Variants in RIMS2 observed in about 807,000 individuals in gnomAD.
RIMS2 encodes regulating synaptic membrane exocytosis protein 2.
A neutral mutation model predicts 174.4 loss-of-function variants in RIMS2; 59 were observed. The observed-to-expected ratio is 0.34, with a 90% CI of 0.27 to 0.42. RIMS2 has a LOEUF of 0.42. RIMS2 is among the 10% of genes least tolerant of loss of function. The pLI, the probability that RIMS2 is intolerant of heterozygous loss-of-function variation, is 1.00. For synonymous variants in RIMS2, 606 were observed against 572.5 expected (o/e 1.06, Z -0.84); for missense variants, 1,620 against 1,666.3 (o/e 0.97, Z 0.48).
At chr8:103,516,060 A>G (rs1828822024) in intron 1 of RIMS2, among the ~76,000 whole-genome samples, 1 of 151,980 alleles carries the variant, frequency 6.6e-6, no homozygotes, top group African/African-American at 2.4e-5. Context: ...TTTTTGGTTC[A>G]TCGATTTCAA....
At chr8:104,245,453 G>C (rs2099326170) in intron 20 of RIMS2, among the ~76,000 whole-genome samples, 1 of 152,182 alleles carries the variant, frequency 6.6e-6, no homozygotes, top group South Asian at 2.1e-4. Context: ...AATATGGAAT[G>C]CTGGCGTATA....
chr8:103,762,751 C>T (rs2098125746), intron 2 of RIMS2, among the ~76,000 whole-genome samples: 1 of 152,230 alleles, frequency 6.6e-6, no homozygotes, highest in East Asian at 1.9e-4. Flanking sequence ...GTCATGCTAA[C>T]ATCATGGAGT....
At chr8:103,752,724 G>T (rs529104909) in intron 2 of RIMS2, among the ~76,000 whole-genome samples, 1 of 152,050 alleles carries the variant, frequency 6.6e-6, no homozygotes, top group East Asian at 1.9e-4. Flanking sequence ...TCATGATTTG[G>T]CTCTCTGTTT....
intron 19 of RIMS2, among the ~76,000 whole-genome samples, chr8:104,050,621 G>T (rs1227955709): frequency 6.6e-6 from 1 of 152,148 alleles, no homozygotes; most frequent in Non-Finnish European, 1.5e-5. Context: ...ATGCTATAAA[G>T]TATTTTTGCA....
chr8:103,782,436 G>A (rs1377592470), intron 3 of RIMS2, among the ~76,000 whole-genome samples: 2 of 109,698 alleles, frequency 1.8e-5, no homozygotes, highest in Admixed American at 8.6e-5. Flanking sequence ...TAAATCCCGT[G>A]TGTGTGTGTG....
chr8:103,569,136 T>G (rs1485170003), intron 1 of RIMS2, among the ~76,000 whole-genome samples: 9 of 152,226 alleles, frequency 5.9e-5, no homozygotes, highest in Non-Finnish European at 1.3e-4. Flanking sequence ...AAAATTACTT[T>G]TATGTTTTCT....
chr8:103,910,191 C>T (rs752684485), exon 5 of RIMS2: 1 of 1,608,710 alleles, frequency 6.2e-7, no homozygotes, highest in East Asian at 2.2e-5. Flanking sequence ...GAGGCATCCC[C>T]AATGTCTTTG....
At chr8:104,162,090 G>GA (rs1376370370) in intron 19 of RIMS2, among the ~76,000 whole-genome samples, 1 of 152,142 alleles carries the variant, frequency 6.6e-6, no homozygotes, top group Non-Finnish European at 1.5e-5. Context: ...AATTACATTT[G>GA]AAAAGGTCCT....
chr8:104,193,258 G>A (rs1373750667), intron 19 of RIMS2, among the ~76,000 whole-genome samples: 1 of 152,026 alleles, frequency 6.6e-6, no homozygotes, highest in Non-Finnish European at 1.5e-5. Flanking sequence ...TTCTGATTGA[G>A]TACTGTGGTT....
chr8:104,070,620 C>G (rs1391665173), intron 19 of RIMS2, among the ~76,000 whole-genome samples: 1 of 152,130 alleles, frequency 6.6e-6, no homozygotes, highest in African/African-American at 2.4e-5. Flanking sequence ...AGTCTCTCAT[C>G]TGTTCACCTT....
At chr8:103,558,727 A>C (rs2091006920) in intron 1 of RIMS2, among the ~76,000 whole-genome samples, 1 of 152,166 alleles carries the variant, frequency 6.6e-6, no homozygotes, top group African/African-American at 2.4e-5. Flanking sequence ...GTAAAGTCAG[A>C]AGTAGGACAG....
At chr8:104,255,589 A>C (rs1184584913), downstream of RIMS2, 2 of 152,248 alleles carry the variant, frequency 1.3e-5, no homozygotes, top group African/African-American at 4.8e-5. Flanking sequence ...AAGGCTCCAT[A>C]GGCAACAATA....
chr8:103,876,862 T>TATATA (rs2099140218), intron 3 of RIMS2, among the ~76,000 whole-genome samples: 1 of 44,346 alleles, frequency 2.3e-5, no homozygotes, highest in African/African-American at 7.6e-5. Context: ...ACACACACTA[T>TATATA]TTTATATATA....
intron 17 of RIMS2, among the ~76,000 whole-genome samples, chr8:103,999,019 T>G (rs918832632): frequency 3.3e-5 from 5 of 151,770 alleles, no homozygotes; most frequent in Admixed American, 1.3e-4. Flanking sequence ...TGTATGGAGA[T>G]TTAGAGATTT....
In RIMS2 at chr8:103,946,999, TTTG is replaced by T. The variant is rs1397847656; in HGVS notation, c.2701+4084_2701+4086del. ...GCAAATCAATGGGGGGGAATAGTTT[TTTG>T]TTGTTGTTGTCTTTTTACTAATAAT... On this transcript the variant is annotated intron_variant, in intron 14 of 23. Transcript: ENST00000504942. Among the ~76,000 whole-genome samples the T allele has an allele frequency of 2.0e-5, 3 of 152,314 alleles. No individual in the cohort carries two copies. The East Asian group carries it at 5.8e-4, about 29-fold the overall frequency.
chr8:104,130,548 G>A (rs1050516238), intron 19 of RIMS2, among the ~76,000 whole-genome samples: 1 of 152,112 alleles, frequency 6.6e-6, no homozygotes, highest in Non-Finnish European at 1.5e-5. Context: ...AAATGGGCTT[G>A]GGAGCCTTGC....
chr8:104,213,877 GA>G (rs748783814), intron 19 of RIMS2, among the ~76,000 whole-genome samples: 105 of 134,140 alleles, frequency 7.8e-4, no homozygotes, highest in Middle Eastern at 3.7e-3. Flanking sequence ...CTCTGCCTCG[GA>G]AAAAAAAAAA....
At chr8:103,752,431 C>T (rs565421760) in intron 2 of RIMS2, among the ~76,000 whole-genome samples, 190 of 152,146 alleles carry the variant, frequency 1.2e-3, no homozygotes, top group Non-Finnish European at 1.9e-3. Flanking sequence ...CTTGGCGATG[C>T]GGGCTCTTTT....
chr8:103,665,239 A>G (rs1204912196), intron 1 of RIMS2, among the ~76,000 whole-genome samples: 1 of 152,258 alleles, frequency 6.6e-6, no homozygotes, highest in Non-Finnish European at 1.5e-5. Flanking sequence ...ACAAACCTGC[A>G]CGTTGTGCAT....
Sources: allele counts gnomAD v4.1 joint callset (sites outside exome capture counted in the v4.1 genomes callset), GRCh38; gene constraint gnomAD v4.1.1; transcripts MANE v1.5; gene names NCBI Gene and HGNC (gene_info 2026-07-23, HGNC 2026-07-21).